The following SLC17A1 variants were observed in gnomAD, a reference collection of about 807,000 sequenced individuals.
The protein encoded by SLC17A1 is solute carrier family 17 member 1, also known as sodium-dependent phosphate transport protein 1.
Under a neutral mutation model 53.5 loss-of-function variants are expected in SLC17A1, and 51 were observed. The ratio of observed to expected loss-of-function variants is 0.95; its 90% confidence interval spans 0.76 to 1.20. The LOEUF is 1.20. Among genes scored for constraint, SLC17A1 ranks in the 50% most tolerant of loss-of-function variants. The pLI is 0.00. For missense variants in SLC17A1, 538 were observed against 568.2 expected, an observed-to-expected ratio of 0.95 and a Z score of 0.54; for synonymous variants, 179 against 198.8, an observed-to-expected ratio of 0.90 and a Z score of 0.84.
the SLC17A1 span, among the ~76,000 whole-genome samples, chr6:25,736,759 T>A: frequency 6.6e-6 from 1 of 152,230 alleles, no homozygotes; most frequent in South Asian, 2.1e-4. Flanking sequence ...CATATTTAAC[T>A]AAATTGTTCT....
chr6:25,827,410 C>T (rs1286473345), intron 2 of SLC17A1, among the ~76,000 whole-genome samples: 1 of 152,012 alleles, frequency 6.6e-6, no homozygotes, highest in Non-Finnish European at 1.5e-5. Flanking sequence ...TACTTATACA[C>T]AACAATTTGG....
chr6:25,743,625 T>C, the SLC17A1 span, among the ~76,000 whole-genome samples: 8 of 152,288 alleles, frequency 5.3e-5, no homozygotes, highest in Admixed American at 4.6e-4. Context: ...AAGTAGTTTA[T>C]TAAGAAAAAC....
chr6:25,760,990 T>C, the SLC17A1 span, among the ~76,000 whole-genome samples: 1 of 152,176 alleles, frequency 6.6e-6, no homozygotes, highest in Non-Finnish European at 1.5e-5. Flanking sequence ...TTTTTGAGTG[T>C]TTATAATTTT....
At chr6:25,769,966 C>A in the SLC17A1 span, 4 of 994,788 alleles carry the variant, frequency 4.0e-6, no homozygotes, top group South Asian at 5.9e-5. Context: ...GAAATGTAAA[C>A]AGAAAGATAA....
At chr6:25,807,044 G>A (rs192517265) in intron 10 of SLC17A1, among the ~76,000 whole-genome samples, 165 of 152,232 alleles carry the variant, frequency 1.1e-3, no homozygotes, top group Non-Finnish European at 1.9e-3. Context: ...TGATGTGGAT[G>A]TGGTAAAAAG....
the SLC17A1 span, among the ~76,000 whole-genome samples, chr6:25,775,581 G>C: frequency 7.2e-5 from 11 of 151,852 alleles, no homozygotes; most frequent in Non-Finnish European, 1.3e-4. Context: ...GACCACAGGC[G>C]TGTACCACCA....
At chr6:25,770,867 G>T in the SLC17A1 span, 3 of 1,318,304 alleles carry the variant, frequency 2.3e-6, no homozygotes, top group Non-Finnish European at 3.3e-6. Context: ...ATTGTAGAAA[G>T]CACATAGAGC....
At chr6:25,820,897 C>CAAAAAAA (rs59962368) in intron 3 of SLC17A1, among the ~76,000 whole-genome samples, 2 of 62,194 alleles carry the variant, frequency 3.2e-5, no homozygotes, top group African/African-American at 6.3e-5. Flanking sequence ...GACTCCATCT[C>CAAAAAAA]AAAAAAAAAA....
At chr6:25,760,072 T>C in the SLC17A1 span, among the ~76,000 whole-genome samples, 1 of 152,294 alleles carries the variant, frequency 6.6e-6, no homozygotes, top group Non-Finnish European at 1.5e-5. Flanking sequence ...CCTCAAACAA[T>C]AGCTCATTTC....
chr6:25,759,246 G>A, the SLC17A1 span, among the ~76,000 whole-genome samples: 2 of 152,166 alleles, frequency 1.3e-5, no homozygotes, highest in African/African-American at 2.4e-5. Context: ...AATGTCCCAT[G>A]TGCTGATGAA....
intron 11 of SLC17A1, among the ~76,000 whole-genome samples, chr6:25,799,244 ATAT>A (rs1177098720): frequency 1.3e-5 from 2 of 152,092 alleles, no homozygotes; most frequent in Admixed American, 6.6e-5. Context: ...TGTAGCTGAC[ATAT>A]TATTGTATCC....
the SLC17A1 span, among the ~76,000 whole-genome samples, chr6:25,772,210 T>C: frequency 6.6e-6 from 1 of 152,206 alleles, no homozygotes; most frequent in Non-Finnish European, 1.5e-5. Flanking sequence ...AAAATCTTAC[T>C]GTGCTTATGG....
At chr6:25,732,042 T>C in the SLC17A1 span, 1 of 1,355,976 alleles carries the variant, frequency 7.4e-7, no homozygotes, top group Non-Finnish European at 1.0e-6. Flanking sequence ...CTTGTAGATG[T>C]AAATAGAATA....
intron 10 of SLC17A1, among the ~76,000 whole-genome samples, chr6:25,803,700 G>C (rs1763861291): frequency 6.6e-6 from 1 of 151,926 alleles, no homozygotes; most frequent in South Asian, 2.1e-4. Context: ...TTAGTTGTAA[G>C]GTAAATATGA....
chr6:25,767,128 T>C, the SLC17A1 span, among the ~76,000 whole-genome samples: 1 of 152,150 alleles, frequency 6.6e-6, no homozygotes, highest in African/African-American at 2.4e-5. Flanking sequence ...AATGGCTATG[T>C]ACCTAAAACA....
intron 1 of SLC17A1, 68 bp downstream of exon 1, chr6:25,831,926 T>A (rs964692173): frequency 6.6e-6 from 1 of 152,194 alleles, no homozygotes; most frequent in African/African-American, 2.4e-5. Flanking sequence ...TGCCAGGGAA[T>A]GCCCCCTTAC....
chr6:25,743,554 G>GCTAA, the SLC17A1 span, among the ~76,000 whole-genome samples: 2 of 152,156 alleles, frequency 1.3e-5, no homozygotes, highest in African/African-American at 2.4e-5. Context: ...ACAACCTGAA[G>GCTAA]CTAATCTCAA....
intron 6 of SLC17A1, among the ~76,000 whole-genome samples, chr6:25,816,005 G>A (rs1764342273): frequency 6.6e-6 from 1 of 151,154 alleles, no homozygotes; most frequent in Non-Finnish European, 1.5e-5. Context: ...GCTAGCTTTG[G>A]AATAAATCCA....
chr6:25,805,285 G>T (rs899146604), intron 10 of SLC17A1, among the ~76,000 whole-genome samples: 3 of 151,952 alleles, frequency 2.0e-5, no homozygotes, highest in Non-Finnish European at 4.4e-5. Flanking sequence ...AAATTAATCT[G>T]CTCCAGAATG....
Sources: gnomAD v4.1 joint callset for allele counts (sites outside exome capture counted in the v4.1 genomes callset) on GRCh38, gnomAD v4.1.1 for gene constraint, MANE v1.5 for transcripts, NCBI Gene and HGNC (gene_info 2026-07-23, HGNC 2026-07-21) for gene names.